CHST3: variants seen among roughly 807,000 people sequenced by gnomAD.
The protein encoded by CHST3 is carbohydrate sulfotransferase 3.
CHST3 carries 20 observed loss-of-function variants against 35.4 expected under a neutral mutation model. The ratio of observed to expected loss-of-function variants is 0.57; its 90% confidence interval spans 0.40 to 0.82. The LOEUF (loss-of-function observed/expected upper bound fraction) is 0.82, where lower values mean the gene tolerates loss of function less well. Ranked by LOEUF, CHST3 falls within the 40% of genes least tolerant of loss-of-function variation. The pLI is 0.00. For synonymous variants in CHST3, 334 were observed against 295.9 expected (o/e 1.13, Z -1.32); for missense variants, 693 against 670.1 (o/e 1.03, Z -0.38).
At chr10:71,970,182 G>A (rs1291200780) in intron 1 of CHST3, among the ~76,000 whole-genome samples, 1 of 152,120 alleles carries the variant, frequency 6.6e-6, no homozygotes, top group Non-Finnish European at 1.5e-5. Context: ...AGGGCAGGGT[G>A]GGCCCCGGGA....
chr10:71,969,832 G>A (rs1839672028), intron 1 of CHST3, among the ~76,000 whole-genome samples: 3 of 152,226 alleles, frequency 2.0e-5, no homozygotes. Context: ...GAATGCTTCT[G>A]CTGGGAACTC....
chr10:71,967,230 G>A (rs923948826), intron 1 of CHST3, among the ~76,000 whole-genome samples: 1 of 152,096 alleles, frequency 6.6e-6, no homozygotes, highest in Non-Finnish European at 1.5e-5. Flanking sequence ...GAGCTCTAGC[G>A]ATCTGCCTGC....
rs1840093345 is a variant in CHST3 at position 72,010,005 on chromosome 10, A to AG, written c.*1536dup. ...GAACGAGGAGAGGTGGCCACGTGGC[A>AG]GGCCACAGTGCCCTATGGGCTTTTC... On this transcript the variant is annotated 3_prime_UTR_variant, in exon 3 of 3. Transcript: ENST00000373115. 1 of 152,788 alleles carries AG rather than the reference A, an allele frequency of 6.5e-6. No homozygotes were observed. The highest frequency in any genetic ancestry group is 1.5e-5 in the Non-Finnish European group (1 of 68,244). 9.5% of individuals were successfully genotyped at this position (152,788 alleles called of 1,614,324 possible).
At chr10:71,970,960 G>C (rs1349052323) in intron 1 of CHST3, among the ~76,000 whole-genome samples, 1 of 152,196 alleles carries the variant, frequency 6.6e-6, no homozygotes, top group Non-Finnish European at 1.5e-5. Flanking sequence ...AGGGGTGGTG[G>C]TGTAAGGTCA....
At chr10:71,980,228 A>G (rs953130190) in intron 1 of CHST3, among the ~76,000 whole-genome samples, 8 of 152,190 alleles carry the variant, frequency 5.3e-5, no homozygotes, top group African/African-American at 1.9e-4. Context: ...TGAAACCCAT[A>G]TTTTAGCTGG....
At chr10:71,977,894 T>G (rs1839762029) in intron 1 of CHST3, among the ~76,000 whole-genome samples, 1 of 152,138 alleles carries the variant, frequency 6.6e-6, no homozygotes, top group African/African-American at 2.4e-5. Context: ...GATTTTTTTA[T>G]TTTTTTAAAG....
Position 72,005,716 on chromosome 10 carries a change from G to T in CHST3, c.-107-20G>T. On this transcript the variant is annotated intron_variant, in intron 1 of 2. Transcript: ENST00000373115. ...CCTCGTGTACAGACAAGGGTGTTCT[G>T]ACCACCTGTCTCTCCGCAGGACAAG... 2 of 1,176,256 alleles carry T rather than the reference G, an allele frequency of 1.7e-6. No homozygotes were observed. Among genetic ancestry groups the T allele is most frequent in the Non-Finnish European group, 2.5e-6 (2 of 800,394 alleles). The allele number at this position is 1,176,256 out of a possible 1,614,324, so 72.9% of individuals were successfully genotyped here.
rs1352481336 is a variant in CHST3, at chr10:72,008,352, C to T, written c.1321C>T (p.Gln441Ter). Residue 441 changes from glutamine to a stop codon, truncating the protein, a stop_gained, in exon 3 of 3, where the codon CAG becomes TAG. Transcript: ENST00000373115. LOFTEE classifies it high-confidence loss of function. ...SMPFKLAQVV[Q>*]AACGPAMRLF... ...GCCCTTCAAGCTGGCCCAGGTGGTGCAGGCCGCCTGCGGCCCTGCCATGCG... is the reference window on the plus strand; with the variant it reads ...GCCCTTCAAGCTGGCCCAGGTGGTGTAGGCCGCCTGCGGCCCTGCCATGCG... 5.1e-6 allele frequency: 8 copies of T among 1,566,924 alleles called. No homozygotes were observed. Among genetic ancestry groups the T allele is most frequent in the Non-Finnish European group, 5.2e-6 (6 of 1,156,522 alleles).
At chr10:71,993,801 T>C (rs1839917465) in intron 1 of CHST3, among the ~76,000 whole-genome samples, 1 of 151,254 alleles carries the variant, frequency 6.6e-6, no homozygotes, top group Non-Finnish European at 1.5e-5. Context: ...AAATTAAAAT[T>C]TAAAAATTAG....
At position 72,007,373 on chromosome 10, in the gene CHST3, G is replaced by A; in HGVS notation, c.342G>A (p.Glu114=). 6.2e-7 allele frequency: 1 copy of A among 1,606,310 alleles called. No individual in the cohort carries two copies. Among genetic ancestry groups the A allele is most frequent in the Non-Finnish European group, 8.5e-7 (1 of 1,176,916 alleles). The change falls in exon 3 of 3, where the codon GAG becomes GAA. Residue 114 remains glutamate (E), a synonymous_variant. Coordinates refer to ENST00000373115, the MANE Select transcript of CHST3 (RefSeq NM_004273.5). ...EPAMEAAGEE[E]EEQRKEEEPP... is the part of the protein sequence containing the mutation. ...CCATGGAGGCCGCAGGGGAGGAAGA[G>A]GAAGAGCAGAGAAAGGAGGAGGAGC...
chr10:72,000,911 G>A (rs561783418), intron 1 of CHST3, among the ~76,000 whole-genome samples: 1 of 152,180 alleles, frequency 6.6e-6, no homozygotes, highest in African/African-American at 2.4e-5. Flanking sequence ...CAGCGGGGAG[G>A]GAGGAGGTGA....
chr10:71,975,072 CTT>C (rs1024759533), intron 1 of CHST3, among the ~76,000 whole-genome samples: 10 of 152,154 alleles, frequency 6.6e-5, no homozygotes, highest in African/African-American at 2.4e-4. Context: ...GGTGGGATCA[CTT>C]TTAAAAAGTA....
At chr10:72,003,777 A>C (rs1426340644) in intron 1 of CHST3, among the ~76,000 whole-genome samples, 1 of 151,800 alleles carries the variant, frequency 6.6e-6, no homozygotes, top group Non-Finnish European at 1.5e-5. Context: ...CTTTGTAGCC[A>C]AGTGCAGTGG....
rs866792272 is a variant in CHST3, at chr10:72,008,409, G to A, written c.1378G>A (p.Ala460Thr). 3 of 1,571,356 alleles carry A rather than the reference G, an allele frequency of 1.9e-6. No homozygotes were observed. Among genetic ancestry groups the A allele is most frequent in the East Asian group, 2.3e-5 (1 of 42,792 alleles). The change falls in exon 3 of 3, where the codon GCC becomes ACC. Residue 460 changes from alanine (A) to threonine (T), a missense_variant. Physicochemically the swap from Ala to Thr is moderately conservative, Grantham distance 58. Coordinates refer to ENST00000373115, the MANE Select transcript of CHST3 (RefSeq NM_004273.5). ...LFGYKLARDAAALTNRSVSLL... is the reference protein window; with the variant it reads ...LFGYKLARDATALTNRSVSLL... Reference sequence around the variant, plus strand: ...CGGCTACAAACTGGCGCGGGACGCCGCCGCCCTCACCAACCGCTCAGTCAG... The same window carrying A: ...CGGCTACAAACTGGCGCGGGACGCCACCGCCCTCACCAACCGCTCAGTCAG...
intron 1 of CHST3, among the ~76,000 whole-genome samples, chr10:71,995,625 T>G (rs751572650): frequency 6.6e-6 from 1 of 152,114 alleles, no homozygotes; most frequent in East Asian, 1.9e-4. Flanking sequence ...GGGTTATTAA[T>G]TGGCCTAATT....
At chr10:71,992,658 C>CTTT (rs57408244) in intron 1 of CHST3, among the ~76,000 whole-genome samples, 4 of 111,416 alleles carry the variant, frequency 3.6e-5, no homozygotes, top group East Asian at 2.4e-4. Flanking sequence ...ATGGAATATT[C>CTTT]TTTTTTTTTT....
chr10:72,000,098 C>T (rs759505907), intron 1 of CHST3, among the ~76,000 whole-genome samples: 2 of 151,698 alleles, frequency 1.3e-5, no homozygotes, highest in East Asian at 1.9e-4. Flanking sequence ...GTGGCCCACA[C>T]GCTCATGCTC....
intron 1 of CHST3, among the ~76,000 whole-genome samples, chr10:72,002,565 G>A (rs1257944409): frequency 2.6e-5 from 4 of 152,222 alleles, no homozygotes; most frequent in Admixed American, 1.3e-4. Flanking sequence ...ACTTATACAA[G>A]GTTGCACAGC....
At chr10:71,979,362 T>C (rs1349976415) in intron 1 of CHST3, among the ~76,000 whole-genome samples, 1 of 151,766 alleles carries the variant, frequency 6.6e-6, no homozygotes, top group Non-Finnish European at 1.5e-5. Context: ...TTTGTTTTTT[T>C]AGACGGAGTC....
Sources: allele counts gnomAD v4.1 joint callset (sites outside exome capture counted in the v4.1 genomes callset), GRCh38; gene constraint gnomAD v4.1.1; transcripts MANE v1.5; gene names NCBI Gene and HGNC (gene_info 2026-07-23, HGNC 2026-07-21).